The following IL1RAPL2 variants were observed in gnomAD, a reference collection of about 807,000 sequenced individuals.
IL1RAPL2 encodes the protein interleukin 1 receptor accessory protein like 2.
Under a neutral mutation model 44.1 loss-of-function variants are expected in IL1RAPL2, and 3 were observed. The ratio of observed to expected loss-of-function variants is 0.07; its 90% CI spans 0.03 to 0.18. The LOEUF (loss-of-function observed/expected upper bound fraction) is 0.18, where lower values mean the gene tolerates loss of function less well. Among genes scored for constraint, IL1RAPL2 ranks in the 10% least tolerant of loss-of-function variants. IL1RAPL2 has a pLI of 1.00. For synonymous variants in IL1RAPL2, 181 were observed against 178.8 expected, an observed-to-expected ratio of 1.01 and a Z score of -0.10; for missense variants, 391 against 496.4, an observed-to-expected ratio of 0.79 and a Z score of 2.02.
At chrX:104,861,283 C>G (rs1180089077) in intron 2 of IL1RAPL2, among the ~76,000 whole-genome samples, 1 of 111,789 alleles carries the variant, frequency 8.9e-6, no homozygotes, top group African/African-American at 3.2e-5. Flanking sequence ...AATTATTTAT[C>G]TGCTTACTAA....
At chrX:104,708,633 C>A (rs1207060938) in intron 2 of IL1RAPL2, among the ~76,000 whole-genome samples, 3 of 111,211 alleles carry the variant, frequency 2.7e-5, no homozygotes, top group Non-Finnish European at 5.7e-5. Context: ...GATATTGCAT[C>A]AATTTGTTCC....
At chrX:105,681,751 C>G (rs2037927674) in intron 6 of IL1RAPL2, among the ~76,000 whole-genome samples, 1 of 110,610 alleles carries the variant, frequency 9.0e-6, no homozygotes, top group Admixed American at 9.6e-5. Context: ...GAGCGAAACT[C>G]TGTCTCAAAA....
chrX:104,881,258 G>A (rs935761244), intron 2 of IL1RAPL2, among the ~76,000 whole-genome samples: 6 of 111,124 alleles, frequency 5.4e-5, no homozygotes, highest in African/African-American at 1.3e-4. Context: ...TTACAATTAC[G>A]TTCTTTGCTA....
At chrX:105,025,636 T>C (rs1422083845) in intron 2 of IL1RAPL2, among the ~76,000 whole-genome samples, 2 of 111,545 alleles carry the variant, frequency 1.8e-5, no homozygotes, top group Middle Eastern at 4.2e-3. Context: ...ATAAAACTTA[T>C]TATGTTACTG....
intron 2 of IL1RAPL2, among the ~76,000 whole-genome samples, chrX:105,136,986 C>T (rs1321190999): frequency 8.9e-6 from 1 of 112,007 alleles, no homozygotes; most frequent in Admixed American, 9.5e-5. Context: ...TCAGAAGCCA[C>T]CCCATGCCCT....
At chrX:105,415,566 ACTTT>A (rs1238701151) in intron 5 of IL1RAPL2, among the ~76,000 whole-genome samples, 4 of 111,562 alleles carry the variant, frequency 3.6e-5, no homozygotes, top group African/African-American at 1.3e-4. Context: ...ATTGCACTGT[ACTTT>A]CTTTATATTT....
At chrX:104,908,309 A>C (rs912434763) in intron 2 of IL1RAPL2, among the ~76,000 whole-genome samples, 2 of 111,270 alleles carry the variant, frequency 1.8e-5, no homozygotes, top group Admixed American at 1.9e-4. Context: ...TTACATTTAA[A>C]GTTAATATTG....
At chrX:105,664,450 C>T (rs761335641) in intron 6 of IL1RAPL2, among the ~76,000 whole-genome samples, 2 of 112,001 alleles carry the variant, frequency 1.8e-5, no homozygotes, top group Non-Finnish European at 3.8e-5. Flanking sequence ...AAAAGATAAA[C>T]ACCAGTTGCC....
At chrX:105,352,616 C>T (rs912307722) in intron 5 of IL1RAPL2, among the ~76,000 whole-genome samples, 1 of 109,014 alleles carries the variant, frequency 9.2e-6, no homozygotes, top group Non-Finnish European at 1.9e-5. Flanking sequence ...TTTTAATGAT[C>T]GCCATTCTAA....
intron 8 of IL1RAPL2, among the ~76,000 whole-genome samples, chrX:105,740,932 T>C (rs893240903): frequency 1.8e-5 from 2 of 111,929 alleles, no homozygotes; most frequent in African/African-American, 6.5e-5. Flanking sequence ...GTGATATAAA[T>C]TGTACCTTAG....
chrX:104,668,379 G>T (rs941083774), intron 2 of IL1RAPL2, among the ~76,000 whole-genome samples: 5 of 106,428 alleles, frequency 4.7e-5, no homozygotes, highest in Admixed American at 1.0e-4. Context: ...ACAATGTGCA[G>T]GTTAGTTACA....
At chrX:105,765,147 G>GA (rs2038719514) in intron 10 of IL1RAPL2, 1 of 111,716 alleles carries the variant, frequency 9.0e-6, no homozygotes, top group South Asian at 3.7e-4. Context: ...AGAATAATGA[G>GA]AAAAATGCAT....
At chrX:104,658,454 A>G (rs927797521) in intron 1 of IL1RAPL2, among the ~76,000 whole-genome samples, 2 of 111,547 alleles carry the variant, frequency 1.8e-5, no homozygotes, top group Non-Finnish European at 3.8e-5. Context: ...ATCACAAACC[A>G]GGGCTTCTGG....
At chrX:105,696,328 G>T (rs1014059324) in intron 6 of IL1RAPL2, among the ~76,000 whole-genome samples, 1 of 111,572 alleles carries the variant, frequency 9.0e-6, no homozygotes, top group Non-Finnish European at 1.9e-5. Context: ...AGGGGGCCTG[G>T]CACAGCTGGA....
chrX:105,601,932 A>G, intron 6 of IL1RAPL2, among the ~76,000 whole-genome samples: 1 of 110,823 alleles, frequency 9.0e-6, no homozygotes, highest in Non-Finnish European at 1.9e-5. Context: ...AACGTAATCC[A>G]GCATAGCAGG....
chrX:105,412,188 G>A (rs1230295461), intron 5 of IL1RAPL2, among the ~76,000 whole-genome samples: 1 of 109,897 alleles, frequency 9.1e-6, no homozygotes, highest in Non-Finnish European at 1.9e-5. Flanking sequence ...AGTAATAAAT[G>A]CCTACATCAA....
At chrX:105,394,668 G>A (rs1236441488) in intron 5 of IL1RAPL2, among the ~76,000 whole-genome samples, 1 of 111,141 alleles carries the variant, frequency 9.0e-6, no homozygotes, top group Non-Finnish European at 1.9e-5. Flanking sequence ...CAACCCCTCT[G>A]CAGTATTTTC....
chrX:104,758,885 C>T (rs1171351755), intron 2 of IL1RAPL2, among the ~76,000 whole-genome samples: 1 of 111,764 alleles, frequency 8.9e-6, no homozygotes, highest in Non-Finnish European at 1.9e-5. Flanking sequence ...ACTCCCTCTT[C>T]TGGACTCCAA....
chrX:104,837,999 G>A (rs1256152742), intron 2 of IL1RAPL2, among the ~76,000 whole-genome samples: 1 of 111,694 alleles, frequency 9.0e-6, no homozygotes, highest in African/African-American at 3.3e-5. Context: ...TTTAACCATT[G>A]CTTGTTTTTG....
Sources: gnomAD v4.1 joint callset for allele counts (sites outside exome capture counted in the v4.1 genomes callset) on GRCh38, gnomAD v4.1.1 for gene constraint, MANE v1.5 for transcripts, NCBI Gene and HGNC (gene_info 2026-07-23, HGNC 2026-07-21) for gene names.